The following CTLA4 variants were observed in gnomAD, a reference collection of about 807,000 sequenced individuals.
CTLA4 encodes cytotoxic T-lymphocyte protein 4.
Under a neutral mutation model 20.4 loss-of-function variants are expected in CTLA4, and 3 were observed. The ratio of observed to expected loss-of-function variants is 0.15; its 90% CI spans 0.07 to 0.38. The LOEUF (loss-of-function observed/expected upper bound fraction) is 0.38, where lower values mean the gene tolerates loss of function less well. Among genes scored for constraint, CTLA4 ranks in the 10% least tolerant of loss-of-function variants. The pLI is 1.00. For synonymous variants in CTLA4, 100 were observed against 105.2 expected, an observed-to-expected ratio of 0.95 and a Z score of 0.30; for missense variants, 184 against 276.8, an observed-to-expected ratio of 0.66 and a Z score of 2.38.
At position 203,868,005 on chromosome 2, in the gene CTLA4, C is replaced by T. The variant is rs1290173158; in HGVS notation, c.63C>T (p.Pro21=). The T allele has an allele frequency of 2.5e-6, 4 of 1,614,008 alleles. No homozygotes were observed. The highest frequency in any genetic ancestry group is 3.4e-6 in the Non-Finnish European group (4 of 1,179,980). The change falls in exon 1 of 4, where the codon CCC becomes CCT. Residue 21 remains proline, a synonymous_variant. Coordinates refer to ENST00000648405, the MANE Select transcript of CTLA4 (RefSeq NM_005214.5). ...AQLNLATRTW[P]CTLLFFLLFI... is the part of the protein sequence containing the mutation. ...TGAACCTGGCTACCAGGACCTGGCC[C>T]TGCACTCTCCTGTTTTTTCTTCTCT...
In CTLA4 at chr2:203,872,998, C is replaced by T; in HGVS notation, c.*186C>T. 1 of 593,510 alleles carries T rather than the reference C, an allele frequency of 1.7e-6. No homozygotes were observed. The highest frequency in any genetic ancestry group is 2.1e-5 in the South Asian group (1 of 46,642). 36.8% of individuals were successfully genotyped at this position (593,510 alleles called of 1,614,324 possible). A position where few individuals can be genotyped will look rare whatever the true frequency, so the allele number is the denominator to read the frequency against. ...AATTTAAAGCAAAGGAGTAGAAAGA[C>T]AGAGCTGGGATGTTTCTGTCACATC... On this transcript the variant is annotated 3_prime_UTR_variant, in exon 4 of 4. Coordinates refer to ENST00000648405, the MANE Select transcript of CTLA4 (RefSeq NM_005214.5).
chr2:203,870,782 C>G lies in CTLA4; in HGVS notation c.306C>G (p.Ile102Met), dbSNP rs776440178. ...AGTTGACCTTCCTAGATGATTCCAT[C>G]TGCACGGGCACCTCCAGTGGAAATC... is the stretch of plus-strand genomic sequence containing the variant. ...GNELTFLDDSICTGTSSGNQV... is the reference protein window; with the variant it reads ...GNELTFLDDSMCTGTSSGNQV... Residue 102 changes from isoleucine (I) to methionine (M), a missense_variant, in exon 2 of 4, where the codon ATC (isoleucine) becomes ATG (methionine). Around this residue, in one of 3 missense-constraint regions of CTLA4, gnomAD observed 147 missense variants for 223.4 expected, o/e 0.66. Coordinates refer to ENST00000648405, the MANE Select transcript of CTLA4 (RefSeq NM_005214.5). This position sits in a 1 kb window ranked among gnomAD's most constrained non-coding sequence, Gnocchi z 5.3. 6.2e-7 allele frequency: 1 copy of G among 1,614,210 alleles called. No individual in the cohort carries two copies. Among genetic ancestry groups the G allele is most frequent in the East Asian group, 2.2e-5 (1 of 44,880 alleles).
In CTLA4 at chr2:203,873,000, G is replaced by C; in HGVS notation, c.*188G>C. 1.7e-6 allele frequency: 1 copy of C among 589,374 alleles called. No homozygotes were observed. The highest frequency in any genetic ancestry group is 1.9e-5 in the African/African-American group (1 of 53,878). 36.5% of individuals were successfully genotyped at this position (589,374 alleles called of 1,614,324 possible). On this transcript the variant is annotated 3_prime_UTR_variant, in exon 4 of 4. Coordinates refer to ENST00000648405, the MANE Select transcript of CTLA4 (RefSeq NM_005214.5). ...TTTAAAGCAAAGGAGTAGAAAGACAGAGCTGGGATGTTTCTGTCACATCAG... is the reference window on the plus strand; with the variant it reads ...TTTAAAGCAAAGGAGTAGAAAGACACAGCTGGGATGTTTCTGTCACATCAG...
In CTLA4 at chr2:203,870,477, G is replaced by A; in HGVS notation, c.110-109G>A. 7.7e-6 allele frequency: 9 copies of A among 1,162,676 alleles called. No homozygotes were observed. The South Asian group carries it at 1.2e-4, about 15-fold the overall frequency. The allele number at this position is 1,162,676 out of a possible 1,614,324, so 72.0% of individuals were successfully genotyped here. On this transcript the variant is annotated intron_variant, in intron 1 of 3. Coordinates refer to ENST00000648405, the MANE Select transcript of CTLA4 (RefSeq NM_005214.5). The surrounding 1 kb of genome is among the most constrained non-coding windows in gnomAD (Gnocchi z 5.3). Reference sequence around the variant, plus strand: ...AGGGGTAAGTGATAGATTCGTTGAAGGGGGGAGAAAAGGCCGTGGGGATGA... The same window carrying A: ...AGGGGTAAGTGATAGATTCGTTGAAAGGGGGAGAAAAGGCCGTGGGGATGA...
Position 203,873,245 on chromosome 2 carries a change from A to G in CTLA4, c.*433A>G, listed in dbSNP as rs1414628469. 1 of 398,160 alleles carries G rather than the reference A, an allele frequency of 2.5e-6. No homozygotes were observed. The highest frequency in any genetic ancestry group is 3.6e-5 in the East Asian group (1 of 28,026). 24.7% of individuals were successfully genotyped at this position (398,160 alleles called of 1,614,324 possible). A position where few individuals can be genotyped will look rare whatever the true frequency, so the allele number is the denominator to read the frequency against. On this transcript the variant is annotated 3_prime_UTR_variant, in exon 4 of 4. Coordinates refer to ENST00000648405, the MANE Select transcript of CTLA4 (RefSeq NM_005214.5). ...TTTATGCCTTTTATTTCTTAAACAA[A>G]TGTATGATTACATCAAGGCTTCAAA...
At chr2:203,871,079 C>G (rs1688722119) in intron 2 of CTLA4, 146 bp downstream of exon 2, 2 of 719,708 alleles carry the variant, frequency 2.8e-6, no homozygotes, top group Non-Finnish European at 4.5e-6. Context: ...GGTAGCCTTG[C>G]TTATTGTGGG....
At chr2:203,871,545 C>G in intron 3 of CTLA4, 58 bp downstream of exon 3, 1 of 1,319,048 alleles carries the variant, frequency 7.6e-7, no homozygotes, top group East Asian at 2.3e-5. Context: ...GTGGTATCAA[C>G]TGGCCAAAAG....
chr2:203,867,875 C>A lies in CTLA4; in HGVS notation c.-68C>A. 1 of 1,184,990 alleles carries A rather than the reference C, an allele frequency of 8.4e-7. No individual in the cohort carries two copies. The highest frequency in any genetic ancestry group is 1.2e-6 in the Non-Finnish European group (1 of 805,504). The allele number at this position is 1,184,990 out of a possible 1,614,324, so 73.4% of individuals were successfully genotyped here. A position where few individuals can be genotyped will look rare whatever the true frequency, so the allele number is the denominator to read the frequency against. On this transcript the variant is annotated 5_prime_UTR_variant, in exon 1 of 4. Transcript: ENST00000648405. ...ATTCTGTGTGGGTTCAAACACATTT[C>A]AAAGCTTCAGGATCCTGAAAGGTTT...
chr2:203,868,014 C>G lies in CTLA4; in HGVS notation c.72C>G (p.Leu24=). The G allele has an allele frequency of 1.2e-6, 2 of 1,614,092 alleles. No individual in the cohort carries two copies. The highest frequency in any genetic ancestry group is 1.7e-6 in the Non-Finnish European group (2 of 1,179,944). ...NLATRTWPCT[L]LFFLLFIPVF... ...CTACCAGGACCTGGCCCTGCACTCT[C>G]CTGTTTTTTCTTCTCTTCATCCCTG... Residue 24 remains leucine (L), a synonymous_variant, in exon 1 of 4, where the codon CTC becomes CTG. Coordinates refer to ENST00000648405, the MANE Select transcript of CTLA4 (RefSeq NM_005214.5).
At chr2:203,871,183 T>G (rs987982076) in intron 2 of CTLA4, among the ~76,000 whole-genome samples, 195 bp from the exon 3 acceptor site, 1 of 152,186 alleles carries the variant, frequency 6.6e-6, no homozygotes, top group African/African-American at 2.4e-5. Flanking sequence ...ACGTTTGATC[T>G]GTACTTTTGA....
rs889131556 is a variant in CTLA4, at chr2:203,870,247, G to GA, written c.110-332dup. On this transcript the variant is annotated intron_variant, in intron 1 of 3. Transcript: ENST00000648405. The surrounding 1 kb of genome is among the most constrained non-coding windows in gnomAD (Gnocchi z 5.3). ...CATCTAATTATCTCTTACTATATGT[G>GA]AAAAAAATGAAGGACATGGGGGAAG... 4 of 340,896 alleles carry GA rather than the reference G, an allele frequency of 1.2e-5. No individual in the cohort carries two copies. The highest frequency in any genetic ancestry group is 2.2e-5 in the Non-Finnish European group (4 of 182,530). 21.1% of individuals were successfully genotyped at this position (340,896 alleles called of 1,614,324 possible).
In CTLA4 at chr2:203,868,127, A is replaced by G. The variant is rs231776; in HGVS notation, c.109+76A>G. On this transcript the variant is annotated intron_variant, in intron 1 of 3. Transcript: ENST00000648405. ...GGGTTTCATTTGTTTCAGCAGTCAA[A>G]GGCAGTGATTTATAGCAAAGCCAGA... The G allele has an allele frequency of 1, 1,177,447 of 1,180,210 alleles. 587,403 individuals are homozygous for G. Among genetic ancestry groups the G allele is most frequent in the East Asian group, 1 (42,642 of 42,644 alleles). 73.1% of individuals were successfully genotyped at this position (1,180,210 alleles called of 1,614,324 possible). A position where few individuals can be genotyped will look rare whatever the true frequency, so the allele number is the denominator to read the frequency against.
In CTLA4 at chr2:203,870,701, G is replaced by T. The variant is rs1553657396; in HGVS notation, c.225G>T (p.Arg75=). 1.2e-6 allele frequency: 2 copies of T among 1,614,224 alleles called. No homozygotes were observed. Among genetic ancestry groups the T allele is most frequent in the Non-Finnish European group, 1.7e-6 (2 of 1,180,042 alleles). ...CTGAGGTCCGGGTGACAGTGCTTCG[G>T]CAGGCTGACAGCCAGGTGACTGAAG... The part of the protein sequence containing the change: ...KATEVRVTVL[R]QADSQVTEVC... The change falls in exon 2 of 4, where the codon CGG becomes CGT. Residue 75 remains arginine, a synonymous_variant. Coordinates refer to ENST00000648405, the MANE Select transcript of CTLA4 (RefSeq NM_005214.5). This position sits in a 1 kb window ranked among gnomAD's most constrained non-coding sequence, Gnocchi z 5.3.
rs373393185 is a variant in CTLA4 at position 203,870,647 on chromosome 2, G to A, written c.171G>A (p.Val57=). 26 of 1,614,090 alleles carry A rather than the reference G, an allele frequency of 1.6e-5. No homozygotes were observed. The highest frequency in any genetic ancestry group is 8.0e-5 in the African/African-American group (6 of 74,936). Residue 57 remains valine (V), a synonymous_variant, in exon 2 of 4, where the codon GTG becomes GTA. Coordinates refer to ENST00000648405, the MANE Select transcript of CTLA4 (RefSeq NM_005214.5). This position sits in a 1 kb window ranked among gnomAD's most constrained non-coding sequence, Gnocchi z 5.3. ...LASSRGIASF[V]CEYASPGKAT... ...GCAGCCGAGGCATCGCCAGCTTTGTGTGTGAGTATGCATCTCCAGGCAAAG... is the reference window on the plus strand; with the variant it reads ...GCAGCCGAGGCATCGCCAGCTTTGTATGTGAGTATGCATCTCCAGGCAAAG...
Position 203,872,861 on chromosome 2 carries a change from G to C in CTLA4, c.*49G>C. ...CCATATTTCAATTTCCAAGAGCTGA[G>C]GCAATTCTAACTTTTTTGCTATCCA... On this transcript the variant is annotated 3_prime_UTR_variant, in exon 4 of 4. Coordinates refer to ENST00000648405, the MANE Select transcript of CTLA4 (RefSeq NM_005214.5). 1 of 1,246,144 alleles carries C rather than the reference G, an allele frequency of 8.0e-7. No homozygotes were observed. The highest frequency in any genetic ancestry group is 1.2e-6 in the Non-Finnish European group (1 of 851,822). 77.2% of individuals were successfully genotyped at this position (1,246,144 alleles called of 1,614,324 possible). A position where few individuals can be genotyped will look rare whatever the true frequency, so the allele number is the denominator to read the frequency against.
rs1442511369 is a variant in CTLA4 at position 203,870,940 on chromosome 2, A to C, written c.457+7A>C. On this transcript the variant is annotated splice_region_variant and intron_variant, in intron 2 of 3. Transcript: ENST00000648405. The surrounding 1 kb of genome is among the most constrained non-coding windows in gnomAD (Gnocchi z 5.3). ...ACCCAGATTTATGTAATTGGTGAGC[A>C]AAGCCATTTCACTGAGTTGACACCT... The C allele has an allele frequency of 5.6e-6, 9 of 1,608,694 alleles. 1 individual carries two copies. The Middle Eastern group carries it at 8.3e-4, about 148-fold the overall frequency.
Position 203,870,552 on chromosome 2 carries a change from G to A in CTLA4, c.110-34G>A, listed in dbSNP as rs376860736. ...TGGGCTTGGCCATGAAGGAGCATGA[G>A]TTCACTGAGTTCCCTTTGGCTTTTC... On this transcript the variant is annotated intron_variant, in intron 1 of 3. Coordinates refer to ENST00000648405, the MANE Select transcript of CTLA4 (RefSeq NM_005214.5). This position sits in a 1 kb window ranked among gnomAD's most constrained non-coding sequence, Gnocchi z 5.3. 82 of 1,601,440 alleles carry A rather than the reference G, an allele frequency of 5.1e-5. No individual in the cohort carries two copies. The highest frequency in any genetic ancestry group is 6.6e-5 in the Non-Finnish European group (77 of 1,171,904).
At position 203,872,869 on chromosome 2, in the gene CTLA4, T is replaced by A; in HGVS notation, c.*57T>A. 8.7e-7 allele frequency: 1 copy of A among 1,145,188 alleles called. No individual in the cohort carries two copies. Among genetic ancestry groups the A allele is most frequent in the Non-Finnish European group, 1.3e-6 (1 of 762,116 alleles). 70.9% of individuals were successfully genotyped at this position (1,145,188 alleles called of 1,614,324 possible). ...CAATTTCCAAGAGCTGAGGCAATTC[T>A]AACTTTTTTGCTATCCAGCTATTTT... On this transcript the variant is annotated 3_prime_UTR_variant, in exon 4 of 4. Coordinates refer to ENST00000648405, the MANE Select transcript of CTLA4 (RefSeq NM_005214.5).
Position 203,870,827 on chromosome 2 carries a change from A to G in CTLA4, c.351A>G (p.Gln117=). Reference sequence around the variant, plus strand: ...GAAATCAAGTGAACCTCACTATCCAAGGACTGAGGGCCATGGACACGGGAC... The same window carrying G: ...GAAATCAAGTGAACCTCACTATCCAGGGACTGAGGGCCATGGACACGGGAC... ...SSGNQVNLTI[Q]GLRAMDTGLY... The change falls in exon 2 of 4, where the codon CAA becomes CAG. Residue 117 remains glutamine, a synonymous_variant. Coordinates refer to ENST00000648405, the MANE Select transcript of CTLA4 (RefSeq NM_005214.5). This position sits in a 1 kb window ranked among gnomAD's most constrained non-coding sequence, Gnocchi z 5.3. 1 of 1,614,202 alleles carries G rather than the reference A, an allele frequency of 6.2e-7. No individual in the cohort carries two copies. Among genetic ancestry groups the G allele is most frequent in the Non-Finnish European group, 8.5e-7 (1 of 1,180,038 alleles).
Sources: gnomAD v4.1 joint callset for allele counts (sites outside exome capture counted in the v4.1 genomes callset) on GRCh38, gnomAD v4.1.1 for gene constraint, gnomAD v4.1.1 regional missense constraint, Gnocchi (gnomAD v3.1) non-coding constraint, MANE v1.5 for transcripts, NCBI Gene and HGNC (gene_info 2026-07-23, HGNC 2026-07-21) for gene names.